The following WNK2 variants were observed in gnomAD, a reference collection of about 807,000 sequenced individuals.
WNK2 encodes WNK lysine deficient protein kinase 2.
Under a neutral mutation model 192.1 loss-of-function variants are expected in WNK2, and 67 were observed. The ratio of observed to expected loss-of-function variants is 0.35; its 90% CI spans 0.29 to 0.43. The LOEUF is 0.43. Among genes scored for constraint, WNK2 ranks in the 20% least tolerant of loss-of-function variants. WNK2 has a pLI of 1.00. For missense variants in WNK2, 2,698 were observed against 3,089.7 expected (o/e 0.87, Z 3.01); for synonymous variants, 1,439 against 1,393.9 (o/e 1.03, Z -0.72).
intron 2 of WNK2, among the ~76,000 whole-genome samples, chr9:93,218,649 G>A (rs902718695): frequency 2.6e-5 from 4 of 152,196 alleles, no homozygotes; most frequent in East Asian, 1.9e-4. Context: ...ACATTTCCCC[G>A]TCAGGAAGTA....
intron 20 of WNK2, 147 bp from the exon 21 acceptor site, chr9:93,289,831 A>G: frequency 3.4e-6 from 3 of 873,810 alleles, no homozygotes; most frequent in Non-Finnish European, 5.1e-6. Context: ...GTGCAGCGTC[A>G]GGTGACTCAG....
intron 2 of WNK2, among the ~76,000 whole-genome samples, chr9:93,186,036 T>C (rs940317331): frequency 6.6e-6 from 1 of 152,180 alleles, no homozygotes. Context: ...GCCCGGTGTG[T>C]GCAGTCAGAG....
At chr9:93,188,836 G>A (rs954808625) in intron 2 of WNK2, among the ~76,000 whole-genome samples, 1 of 152,206 alleles carries the variant, frequency 6.6e-6, no homozygotes, top group African/African-American at 2.4e-5. Flanking sequence ...GGGTGGTGAG[G>A]CCACAATACA....
intron 18 of WNK2, 77 bp downstream of exon 18, chr9:93,268,142 T>C: frequency 6.5e-7 from 1 of 1,537,232 alleles, no homozygotes; most frequent in Non-Finnish European, 8.8e-7. Context: ...ACCAGGGGTT[T>C]GGCCATTGCT....
At position 93,262,631 on chromosome 9, in the gene WNK2, C is replaced by T. The variant is rs749726329; in HGVS notation, c.3361-39C>T. ...CTGTGCCCACAGGGAGGCGGGAGTC[C>T]GCATGACCTGTTCTCTTTTCTCCGG... On this transcript the variant is annotated intron_variant, in intron 13 of 29. Transcript: ENST00000427277. 7.5e-6 allele frequency: 12 copies of T among 1,610,732 alleles called. No homozygotes were observed. The South Asian group carries it at 7.7e-5, about 10-fold the overall frequency.
intron 2 of WNK2, among the ~76,000 whole-genome samples, chr9:93,211,603 C>A (rs118194153): frequency 7.0e-6 from 1 of 142,692 alleles, no homozygotes; most frequent in Non-Finnish European, 1.5e-5. Context: ...CTCATCCACT[C>A]ACTCACCCAC....
chr9:93,320,364 C>T lies in WNK2; in HGVS notation c.6629-3C>T, dbSNP rs1269816589. On this transcript the variant is annotated splice_polypyrimidine_tract_variant and splice_region_variant and intron_variant, in intron 29 of 29. Coordinates refer to ENST00000427277, the MANE Select transcript of WNK2 (RefSeq NM_006648.4). ...CAGTCAGCTGCGCGGTTTTGTTTTCCAGATCCTGAGAGTGAGAAGCCTGAC... is the reference window on the plus strand; with the variant it reads ...CAGTCAGCTGCGCGGTTTTGTTTTCTAGATCCTGAGAGTGAGAAGCCTGAC... 1 of 1,367,474 alleles carries T rather than the reference C, an allele frequency of 7.3e-7. No individual in the cohort carries two copies. Among genetic ancestry groups the T allele is most frequent in the African/African-American group, 1.5e-5 (1 of 67,756 alleles). The allele number at this position is 1,367,474 out of a possible 1,614,324, so 84.7% of individuals were successfully genotyped here. A position where few individuals can be genotyped will look rare whatever the true frequency, so the allele number is the denominator to read the frequency against.
At chr9:93,250,316 T>G in intron 8 of WNK2, among the ~76,000 whole-genome samples, 1 of 152,158 alleles carries the variant, frequency 6.6e-6, no homozygotes, top group East Asian at 1.9e-4. Flanking sequence ...TATGTACACA[T>G]GTGAACACCC....
chr9:93,283,237 G>A (rs1369424546), intron 19 of WNK2, among the ~76,000 whole-genome samples: 2 of 152,162 alleles, frequency 1.3e-5, no homozygotes, highest in African/African-American at 2.4e-5. Context: ...AAAGTATGTA[G>A]TGCAAAAAGT....
Position 93,185,310 on chromosome 9 carries a change from C to T in WNK2, c.381C>T (p.Asp127=), listed in dbSNP as rs1410337177. ...EPVGTQEPGP[D]PIAAAVETAP... Reference sequence around the variant, plus strand: ...TGGGCACGCAGGAGCCCGGCCCGGACCCCATCGCAGCCGCTGTCGAAACCG... The same window carrying T: ...TGGGCACGCAGGAGCCCGGCCCGGATCCCATCGCAGCCGCTGTCGAAACCG... The change falls in exon 2 of 30, where the codon GAC becomes GAT. Residue 127 remains aspartate, a synonymous_variant. Transcript: ENST00000427277. 6 of 1,512,246 alleles carry T rather than the reference C, an allele frequency of 4.0e-6. No individual in the cohort carries two copies. The South Asian group carries it at 6.2e-5, about 16-fold the overall frequency. The allele number at this position is 1,512,246 out of a possible 1,614,324, so 93.7% of individuals were successfully genotyped here.
At chr9:93,215,223 G>A (rs1835526384) in intron 2 of WNK2, among the ~76,000 whole-genome samples, 1 of 152,114 alleles carries the variant, frequency 6.6e-6, no homozygotes, top group South Asian at 2.1e-4. Context: ...CTGGGTTCAA[G>A]CAATTCTCCC....
chr9:93,308,070 G>A lies in WNK2; in HGVS notation c.6260-258G>A, dbSNP rs1025884582. ...GAGTGGATGCTGAGCAGAGGCTGCC[G>A]GCTGCTGCAGAGTCCTGTCCCCTGG... On this transcript the variant is annotated intron_variant, in intron 27 of 29. Coordinates refer to ENST00000427277, the MANE Select transcript of WNK2 (RefSeq NM_006648.4). The A allele has an allele frequency of 1.6e-4, 95 of 604,860 alleles. No individual in the cohort carries two copies. In the Admixed American group the frequency reaches 1.6e-3, roughly 10 times the overall value. 37.5% of individuals were successfully genotyped at this position (604,860 alleles called of 1,614,324 possible).
chr9:93,286,983 C>T (rs1262653164), intron 19 of WNK2, among the ~76,000 whole-genome samples: 2 of 152,114 alleles, frequency 1.3e-5, no homozygotes, highest in African/African-American at 4.8e-5. Context: ...AAGCAGAGAG[C>T]AGAATGGAAG....
rs1024900324 is a variant in WNK2 at position 93,235,348 on chromosome 9, C to T, written c.1233+383C>T. Among the ~76,000 whole-genome samples, 12 of 152,346 alleles carry T rather than the reference C, an allele frequency of 7.9e-5. No individual in the cohort carries two copies. The South Asian group carries it at 2.3e-3, about 29-fold the overall frequency. On this transcript the variant is annotated intron_variant, in intron 5 of 29. Transcript: ENST00000427277. The stretch of plus-strand genomic sequence containing the variant: ...CATCCCCAGTGCTCACACTCTGGGC[C>T]GCCCATGGCTGCCTGCTTTCCTATC...
At chr9:93,283,881 C>G (rs1848075399) in intron 19 of WNK2, among the ~76,000 whole-genome samples, 1 of 152,178 alleles carries the variant, frequency 6.6e-6, no homozygotes, top group South Asian at 2.1e-4. Flanking sequence ...TGGAGTGCCA[C>G]TACCCAACAA....
At chr9:93,314,809 T>C (rs953881384) in intron 28 of WNK2, among the ~76,000 whole-genome samples, 2 of 152,170 alleles carry the variant, frequency 1.3e-5, no homozygotes, top group Admixed American at 6.5e-5. Context: ...ATGGAAACTC[T>C]TGCAAAATCA....
chr9:93,314,497 C>T (rs1314637577), intron 28 of WNK2, among the ~76,000 whole-genome samples: 1 of 151,810 alleles, frequency 6.6e-6, no homozygotes, highest in Non-Finnish European at 1.5e-5. Flanking sequence ...GTTACAGCTA[C>T]TAAAGAAGAA....
rs574553973 is a variant in WNK2, at chr9:93,290,623, G to A, written c.4936+576G>A. 5.9e-5 allele frequency among the ~76,000 whole-genome samples: 9 copies of A among 152,356 alleles called. No homozygotes were observed. In the South Asian group the frequency reaches 1.7e-3, roughly 28 times the overall value. On this transcript the variant is annotated intron_variant, in intron 21 of 29. Transcript: ENST00000427277. Reference sequence around the variant, plus strand: ...TGGCTGAGGGTCTGCACACGTTCCGGTGGACCCACCCCAGCCCTTGCTTTT... The same window carrying A: ...TGGCTGAGGGTCTGCACACGTTCCGATGGACCCACCCCAGCCCTTGCTTTT...
chr9:93,297,589 G>A (rs1006476511), intron 23 of WNK2, among the ~76,000 whole-genome samples: 4 of 152,238 alleles, frequency 2.6e-5, no homozygotes, highest in Non-Finnish European at 5.9e-5. Flanking sequence ...GTATTTGGAA[G>A]TTTGAGGCTT....
Sources: gnomAD v4.1 joint callset for allele counts (sites outside exome capture counted in the v4.1 genomes callset) on GRCh38, gnomAD v4.1.1 for gene constraint, MANE v1.5 for transcripts, NCBI Gene and HGNC (gene_info 2026-07-23, HGNC 2026-07-21) for gene names.